Variants in LEF1 observed in about 807,000 individuals in gnomAD.
LEF1 encodes lymphoid enhancer-binding factor 1.
A neutral mutation model predicts 51.2 loss-of-function variants in LEF1; 14 were observed. The ratio of observed to expected loss-of-function variants is 0.27; its 90% CI spans 0.18 to 0.43. LEF1 has a LOEUF of 0.43. Ranked by LOEUF, LEF1 falls within the 20% of genes least tolerant of loss-of-function variation. The probability of loss-of-function intolerance (pLI) is 1.00; values close to 1 mark genes in which losing one functional copy is unlikely to be tolerated. For synonymous variants in LEF1, 185 were observed against 183.2 expected (o/e 1.01, Z -0.08); for missense variants, 386 against 512.0 (o/e 0.75, Z 2.37).
intron 3 of LEF1, among the ~76,000 whole-genome samples, chr4:108,147,382 G>T (rs1243708361): frequency 1.3e-5 from 2 of 152,076 alleles, no homozygotes; most frequent in African/African-American, 4.8e-5. Context: ...ATCTCAGATA[G>T]CCCTGAATTA....
intron 3 of LEF1, among the ~76,000 whole-genome samples, chr4:108,140,118 A>C (rs2110369845): frequency 6.6e-6 from 1 of 152,300 alleles, no homozygotes; most frequent in South Asian, 2.1e-4. Flanking sequence ...AGGGATTATC[A>C]AAACCCCTAA....
At chr4:108,131,865 T>G (rs1742921834) in intron 3 of LEF1, among the ~76,000 whole-genome samples, 1 of 152,048 alleles carries the variant, frequency 6.6e-6, no homozygotes, top group South Asian at 2.1e-4. Flanking sequence ...TAACAGTGAG[T>G]TCAATGAAAT....
intron 8 of LEF1, among the ~76,000 whole-genome samples, chr4:108,074,279 A>G (rs1311101017): frequency 6.6e-6 from 1 of 152,168 alleles, no homozygotes; most frequent in Admixed American, 6.5e-5. Flanking sequence ...ATCAAATCTC[A>G]TTGTCAAGAT....
rs181284166 is a variant in LEF1, at chr4:108,167,064, C to G, written c.213+491G>C. Reference sequence around the variant, plus strand: ...AGCCCACGCCCGCCTCCCCTTCCTCCCGCCTGTGGCTCTGCTCGTCTCCAC... The same window carrying G: ...AGCCCACGCCCGCCTCCCCTTCCTCGCGCCTGTGGCTCTGCTCGTCTCCAC... On this transcript the variant is annotated intron_variant, in intron 1 of 11. Transcript: ENST00000265165. This position sits in a 1 kb window ranked among gnomAD's most constrained non-coding sequence, Gnocchi z 5.7. 6.7e-3 allele frequency among the ~76,000 whole-genome samples: 1,023 copies of G among 152,288 alleles called. 11 individuals carry two copies. The highest frequency in any genetic ancestry group is 0.023 in the African/African-American group (973 of 41,574).
Position 108,051,036 on chromosome 4 carries a change from G to A in LEF1, c.*7-2285C>T, listed in dbSNP as rs147209112. 2.1e-3 allele frequency among the ~76,000 whole-genome samples: 325 copies of A among 152,240 alleles called. 2 individuals are homozygous for A. Among genetic ancestry groups the A allele is most frequent in the African/African-American group, 7.5e-3 (311 of 41,538 alleles). On this transcript the variant is annotated intron_variant, in intron 11 of 11. Coordinates refer to ENST00000265165, the MANE Select transcript of LEF1 (RefSeq NM_016269.5). Reference sequence around the variant, plus strand: ...TAATATAGTGATTAACACAAACATGGGTGCCCAGAGATAGCCATTTACCTA... The same window carrying A: ...TAATATAGTGATTAACACAAACATGAGTGCCCAGAGATAGCCATTTACCTA...
chr4:108,066,530 T>G (rs1472716665), intron 9 of LEF1, among the ~76,000 whole-genome samples: 1 of 151,922 alleles, frequency 6.6e-6, no homozygotes, highest in Non-Finnish European at 1.5e-5. Flanking sequence ...AGCACCACGC[T>G]CCCCCACTCA....
intron 3 of LEF1, among the ~76,000 whole-genome samples, chr4:108,130,706 G>A (rs1742821789): frequency 2.0e-5 from 3 of 151,264 alleles, no homozygotes; most frequent in Admixed American, 2.0e-4. Context: ...CTCCAGCCTG[G>A]GCAACAAAGT....
In LEF1 at chr4:108,091,598, A is replaced by C. The variant is rs550413364; in HGVS notation, c.415-2341T>G. On this transcript the variant is annotated intron_variant, in intron 3 of 11. Transcript: ENST00000265165. ...AGCTTTTTTGGCGTATATTAAATAG[A>C]GTGCCATTATCATAGCCACACAATT... is the stretch of plus-strand genomic sequence containing the variant. 9.2e-5 allele frequency among the ~76,000 whole-genome samples: 14 copies of C among 152,284 alleles called. No individual in the cohort carries two copies. The South Asian group carries it at 2.9e-3, about 32-fold the overall frequency.
chr4:108,126,373 T>C (rs547612941), intron 3 of LEF1, among the ~76,000 whole-genome samples: 4 of 152,278 alleles, frequency 2.6e-5, no homozygotes, highest in African/African-American at 4.8e-5. Flanking sequence ...TAGGGTGTGA[T>C]AGGAATGAAG....
rs59867246 is a variant in LEF1 at position 108,157,179 on chromosome 4, T to TACACACACACACACACACAC, written c.414+6369_414+6388dup. ...CTCTCTCTCTCTCTCTATATATATA[T>TACACACACACACACACACAC]ACACACACACACACACACACACACA... On this transcript the variant is annotated intron_variant, in intron 3 of 11. Transcript: ENST00000265165. Among the ~76,000 whole-genome samples, 73 of 116,788 alleles carry TACACACACACACACACACAC rather than the reference T, an allele frequency of 6.3e-4. 1 individual carries two copies. The highest frequency in any genetic ancestry group is 7.2e-4 in the African/African-American group (22 of 30,660). The allele number at this position is 116,788 out of a possible 152,430, so 76.6% of individuals were successfully genotyped here.
At chr4:108,133,382 C>T (rs764263102) in intron 3 of LEF1, among the ~76,000 whole-genome samples, 2 of 152,130 alleles carry the variant, frequency 1.3e-5, no homozygotes, top group African/African-American at 4.8e-5. Context: ...ACAAGTAATA[C>T]ATGTTAAGCA....
intron 8 of LEF1, among the ~76,000 whole-genome samples, chr4:108,077,178 A>T (rs912337007): frequency 7.3e-5 from 11 of 150,732 alleles, no homozygotes; most frequent in East Asian, 1.9e-4. Flanking sequence ...ATCTCTACAA[A>T]ATTTTTTTTT....
intron 3 of LEF1, among the ~76,000 whole-genome samples, chr4:108,100,238 T>C (rs990656506): frequency 1.5e-4 from 23 of 152,278 alleles, no homozygotes; most frequent in Non-Finnish European, 5.9e-5. Context: ...TTGCTTCATC[T>C]TAAAGCTCTC....
At chr4:108,061,223 T>C (rs577681518) in intron 11 of LEF1, among the ~76,000 whole-genome samples, 80 of 152,042 alleles carry the variant, frequency 5.3e-4, no homozygotes, top group African/African-American at 1.9e-3. Context: ...TTTAGGGGGG[T>C]AGGGTGGAGA....
chr4:108,159,473 A>C (rs1744936349), intron 3 of LEF1, among the ~76,000 whole-genome samples: 1 of 152,224 alleles, frequency 6.6e-6, no homozygotes, highest in South Asian at 2.1e-4. Flanking sequence ...TAAAGTGAAA[A>C]GATACTCTAC....
intron 8 of LEF1, chr4:108,071,017 G>C: frequency 3.0e-6 from 1 of 335,808 alleles, no homozygotes; most frequent in Admixed American, 4.4e-5. Context: ...GTCAATCAAA[G>C]TGTTCAAAGT....
At chr4:108,091,480 T>G (rs189922548) in intron 3 of LEF1, among the ~76,000 whole-genome samples, 1 of 151,884 alleles carries the variant, frequency 6.6e-6, no homozygotes, top group South Asian at 2.1e-4. Flanking sequence ...AAAATCACAC[T>G]TTTTTTGGAA....
At chr4:108,084,517 A>G (rs1179727157) in intron 4 of LEF1, among the ~76,000 whole-genome samples, 2 of 152,226 alleles carry the variant, frequency 1.3e-5, no homozygotes, top group African/African-American at 4.8e-5. Context: ...TTTGTATCTT[A>G]AAGATACTGA....
intron 7 of LEF1, 71 bp from the exon 8 acceptor site, chr4:108,078,453 A>G: frequency 6.3e-7 from 1 of 1,596,648 alleles, no homozygotes; most frequent in South Asian, 1.1e-5. Context: ...GGAGGAGAAA[A>G]GCAGAGCACC....
Sources: allele counts gnomAD v4.1 joint callset (sites outside exome capture counted in the v4.1 genomes callset), GRCh38; gene constraint gnomAD v4.1.1; non-coding constraint Gnocchi (gnomAD v3.1); transcripts MANE v1.5; gene names NCBI Gene and HGNC (gene_info 2026-07-23, HGNC 2026-07-21).